Variants in DLGAP2 observed in about 807,000 individuals in gnomAD.
The protein encoded by DLGAP2 is disks large-associated protein 2.
DLGAP2 carries 26 observed loss-of-function variants against 100.3 expected under a neutral mutation model. The observed-to-expected ratio is 0.26, with a 90% CI of 0.19 to 0.36. The LOEUF (loss-of-function observed/expected upper bound fraction) is 0.36, where lower values mean the gene tolerates loss of function less well. Among genes scored for constraint, DLGAP2 ranks in the 10% least tolerant of loss-of-function variants. The pLI, the probability that DLGAP2 is intolerant of heterozygous loss-of-function variation, is 1.00. For missense variants in DLGAP2, 1,858 were observed against 1,453.2 expected (o/e 1.28, Z -4.53); for synonymous variants, 886 against 630.1 (o/e 1.41, Z -6.08).
In DLGAP2 at chr8:1,673,643, C is replaced by G. The variant is rs574121840; in HGVS notation, c.2203-2890C>G. Among the ~76,000 whole-genome samples the G allele has an allele frequency of 2.6e-5, 4 of 152,310 alleles. No homozygotes were observed. In the South Asian group the frequency reaches 6.2e-4, roughly 24 times the overall value. On this transcript the variant is annotated intron_variant, in intron 10 of 14. Transcript: ENST00000637795. Reference sequence around the variant, plus strand: ...ACAGGGAATTTGCATTTGCTGTGGACGAACCTACTTGAGTCAGGCCTCAGG... The same window carrying G: ...ACAGGGAATTTGCATTTGCTGTGGAGGAACCTACTTGAGTCAGGCCTCAGG...
At chr8:1,086,123 C>A (rs1803965696) in intron 2 of DLGAP2, among the ~76,000 whole-genome samples, 2 of 152,002 alleles carry the variant, frequency 1.3e-5, no homozygotes, top group African/African-American at 2.4e-5. Flanking sequence ...TTATATCCTG[C>A]CATTTTACCA....
In DLGAP2 at chr8:923,051, C is replaced by T. The variant is rs115626025; in HGVS notation, c.73+15085C>T. On this transcript the variant is annotated intron_variant, in intron 2 of 14. Transcript: ENST00000637795. The stretch of plus-strand genomic sequence containing the variant: ...ACTCGGGTGTGTGTTGATTTTGCTA[C>T]CATGTTAAAAGCTATGTCAAACCCC... Among the ~76,000 whole-genome samples, 216 of 152,218 alleles carry T rather than the reference C, an allele frequency of 1.4e-3. 2 individuals are homozygous for T. Among genetic ancestry groups the T allele is most frequent in the African/African-American group, 5.0e-3 (209 of 41,528 alleles).
chr8:1,337,332 G>A (rs1312684445), intron 3 of DLGAP2, among the ~76,000 whole-genome samples: 1 of 28,072 alleles, frequency 3.6e-5, no homozygotes, highest in Non-Finnish European at 7.7e-5. Flanking sequence ...TGATGGTGAT[G>A]ATGGTAATAG....
chr8:1,261,608 G>A (rs1352035522), intron 3 of DLGAP2, among the ~76,000 whole-genome samples: 2 of 152,156 alleles, frequency 1.3e-5, no homozygotes, highest in African/African-American at 2.4e-5. Flanking sequence ...GCTCTGGCCT[G>A]CCCCTCCTCA....
chr8:1,454,698 C>A (rs879357579), intron 3 of DLGAP2, among the ~76,000 whole-genome samples: 1 of 152,176 alleles, frequency 6.6e-6, no homozygotes. Flanking sequence ...TAAGGGAGTT[C>A]AGCTTGAGGG....
At chr8:1,459,564 T>C (rs1448821344) in intron 3 of DLGAP2, among the ~76,000 whole-genome samples, 2 of 152,202 alleles carry the variant, frequency 1.3e-5, no homozygotes, top group African/African-American at 2.4e-5. Flanking sequence ...ATACCAAGCA[T>C]GTATTGTTTA....
chr8:1,188,327 C>T (rs1797558607), intron 2 of DLGAP2, among the ~76,000 whole-genome samples: 1 of 141,246 alleles, frequency 7.1e-6, no homozygotes, highest in Non-Finnish European at 1.5e-5. Flanking sequence ...GTGACGTTTC[C>T]CTCACGGAAT....
At chr8:1,302,668 C>T (rs749128603) in intron 3 of DLGAP2, 1 of 152,278 alleles carries the variant, frequency 6.6e-6, no homozygotes, top group African/African-American at 2.4e-5. Context: ...CGTGAGTCCT[C>T]TATTTAGTCA....
At chr8:1,039,744 C>T (rs189314570) in intron 2 of DLGAP2, among the ~76,000 whole-genome samples, 25 of 133,084 alleles carry the variant, frequency 1.9e-4, no homozygotes, top group Middle Eastern at 6.0e-3. Context: ...GTGGTCAGCT[C>T]GGTTTCTGTA....
At chr8:1,626,999 T>C in intron 7 of DLGAP2, 112 bp downstream of exon 7, 1 of 1,323,662 alleles carries the variant, frequency 7.6e-7, no homozygotes. Flanking sequence ...CAGCAGCACT[T>C]GGGCAAGGCT....
chr8:1,189,361 C>T (rs1185090396), intron 2 of DLGAP2, among the ~76,000 whole-genome samples: 6 of 152,232 alleles, frequency 3.9e-5, no homozygotes, highest in African/African-American at 1.2e-4. Flanking sequence ...GAAGATAGGT[C>T]AACCTGGTCC....
At position 1,701,038 on chromosome 8, in the gene DLGAP2, G is replaced by C. The variant is rs946963585; in HGVS notation, c.2950-150G>C. On this transcript the variant is annotated intron_variant, in intron 14 of 14. Transcript: ENST00000637795. ...GCAGGCCTGTGGCCTGGGAGCCGGGGACCAGGGCAGACGGGGGACGGGAGT... is the reference window on the plus strand; with the variant it reads ...GCAGGCCTGTGGCCTGGGAGCCGGGCACCAGGGCAGACGGGGGACGGGAGT... 6 of 706,402 alleles carry C rather than the reference G, an allele frequency of 8.5e-6. No homozygotes were observed. The African/African-American group carries it at 9.1e-5, about 11-fold the overall frequency. The allele number at this position is 706,402 out of a possible 1,614,324, so 43.8% of individuals were successfully genotyped here.
At chr8:1,386,560 G>C (rs780007329) in intron 3 of DLGAP2, among the ~76,000 whole-genome samples, 3 of 152,212 alleles carry the variant, frequency 2.0e-5, no homozygotes, top group African/African-American at 7.2e-5. Context: ...AGATGTGAGA[G>C]TGGAGTAAGA....
At chr8:1,087,525 C>G (rs1013357634) in intron 2 of DLGAP2, among the ~76,000 whole-genome samples, 4 of 148,250 alleles carry the variant, frequency 2.7e-5, no homozygotes, top group Non-Finnish European at 5.9e-5. Context: ...CAGTGAACCA[C>G]ATGTGTGACT....
intron 2 of DLGAP2, among the ~76,000 whole-genome samples, chr8:1,207,623 G>C (rs1255375486): frequency 6.6e-6 from 1 of 152,182 alleles, no homozygotes; most frequent in Non-Finnish European, 1.5e-5. Context: ...TCTACTTTTA[G>C]TTCTTTAAGG....
At chr8:1,077,831 A>G (rs558569176) in intron 2 of DLGAP2, among the ~76,000 whole-genome samples, 87 of 152,202 alleles carry the variant, frequency 5.7e-4, no homozygotes, top group African/African-American at 1.9e-3. Flanking sequence ...GTCCTTTTTC[A>G]TAGCTCTTCT....
rs563816360 is a variant in DLGAP2 at position 1,516,701 on chromosome 8, G to C, written c.172+15270G>C. Reference sequence around the variant, plus strand: ...TGAAAGAGTGAGTGACTGAGTGAATGAGTGGGTGACTGAGTGAAAGAGTGA... The same window carrying C: ...TGAAAGAGTGAGTGACTGAGTGAATCAGTGGGTGACTGAGTGAAAGAGTGA... On this transcript the variant is annotated intron_variant, in intron 4 of 14. Transcript: ENST00000637795. 1.2e-4 allele frequency among the ~76,000 whole-genome samples: 19 copies of C among 152,212 alleles called. No homozygotes were observed. The East Asian group carries it at 3.5e-3, about 28-fold the overall frequency.
intron 2 of DLGAP2, among the ~76,000 whole-genome samples, chr8:1,243,360 A>G (rs1329709002): frequency 1.3e-5 from 2 of 152,112 alleles, no homozygotes; most frequent in African/African-American, 2.4e-5. Context: ...GTGCACATGC[A>G]TACACCTACA....
chr8:838,974 C>T (rs1227533616), intron 1 of DLGAP2, among the ~76,000 whole-genome samples: 1 of 152,110 alleles, frequency 6.6e-6, no homozygotes, highest in African/African-American at 2.4e-5. Context: ...TCAAAATTCT[C>T]ATCAGTGAGG....
Sources: gnomAD v4.1 joint callset for allele counts (sites outside exome capture counted in the v4.1 genomes callset) on GRCh38, gnomAD v4.1.1 for gene constraint, MANE v1.5 for transcripts, NCBI Gene and HGNC (gene_info 2026-07-23, HGNC 2026-07-21) for gene names.